MCM10: variants seen among roughly 807,000 people sequenced by gnomAD.
MCM10 encodes minichromosome maintenance 10 replication initiation factor, also known as protein MCM10 homolog.
Under a neutral mutation model 109.9 loss-of-function variants are expected in MCM10, and 91 were observed. The ratio of observed to expected loss-of-function variants is 0.83; its 90% CI spans 0.70 to 0.99. The LOEUF is 0.99. Ranked by LOEUF, MCM10 falls within the 50% of genes least tolerant of loss-of-function variation. The pLI, the probability that MCM10 is intolerant of heterozygous loss-of-function variation, is 0.00. For synonymous variants in MCM10, 380 were observed against 387.2 expected (o/e 0.98, Z 0.22); for missense variants, 1,077 against 1,061.2 (o/e 1.01, Z -0.21).
intron 15 of MCM10, among the ~76,000 whole-genome samples, chr10:13,198,252 G>A (rs1201123611): frequency 2.0e-5 from 3 of 152,066 alleles, no homozygotes; most frequent in African/African-American, 7.2e-5. Flanking sequence ...GGCACAATTT[G>A]AATACTTGGG....
At chr10:13,195,605 T>C (rs533220048) in intron 14 of MCM10, 1 of 152,804 alleles carries the variant, frequency 6.5e-6, no homozygotes, top group East Asian at 1.9e-4. Context: ...TTTATTTATT[T>C]ATTTATTTAT....
chr10:13,164,860 A>G (rs1833973666), intron 2 of MCM10, among the ~76,000 whole-genome samples: 1 of 152,056 alleles, frequency 6.6e-6, no homozygotes, highest in Non-Finnish European at 1.5e-5. Flanking sequence ...AGAGTTCAAG[A>G]CCAGCCTGGG....
Position 13,204,235 on chromosome 10 carries a change from T to G in MCM10, c.2369T>G (p.Phe790Cys). The change falls in exon 18 of 20, where the codon TTC becomes TGC. Residue 790 changes from phenylalanine (F) to cysteine (C), a missense_variant. Phe to Cys is a radical substitution (Grantham distance 205). Coordinates refer to ENST00000378714, the MANE Select transcript of MCM10 (RefSeq NM_018518.5). ...TCTGTGCAGTGCGCCTATACCCACTTCAAGCTGCTGGAGACCTGCGTCAGT... is the reference window on the plus strand; with the variant it reads ...TCTGTGCAGTGCGCCTATACCCACTGCAAGCTGCTGGAGACCTGCGTCAGT... Reference protein sequence around the residue: ...VTCKTCAYTHFKLLETCVSEQ... With the variant: ...VTCKTCAYTHCKLLETCVSEQ... The G allele has an allele frequency of 6.2e-7, 1 of 1,614,146 alleles. No homozygotes were observed.
chr10:13,205,925 G>A (rs889675878), intron 18 of MCM10, among the ~76,000 whole-genome samples: 8 of 152,154 alleles, frequency 5.3e-5, no homozygotes, highest in Admixed American at 1.3e-4. Context: ...CATAGAATAC[G>A]ACGATGGCAC....
In MCM10 at chr10:13,181,708, C is replaced by T. The variant is rs113042135; in HGVS notation, c.930+1101C>T. ...AAATTTTAAAAAATTAAAGATTACCCGGTCTTACACTAGCCCTGTCACTGT... is the reference window on the plus strand; with the variant it reads ...AAATTTTAAAAAATTAAAGATTACCTGGTCTTACACTAGCCCTGTCACTGT... On this transcript the variant is annotated intron_variant, in intron 7 of 19. Coordinates refer to ENST00000378714, the MANE Select transcript of MCM10 (RefSeq NM_018518.5). Among the ~76,000 whole-genome samples, 14 of 152,266 alleles carry T rather than the reference C, an allele frequency of 9.2e-5. 1 individual carries two copies. The highest frequency in any genetic ancestry group is 2.9e-4 in the African/African-American group (12 of 41,536).
intron 2 of MCM10, among the ~76,000 whole-genome samples, chr10:13,170,472 A>C (rs1224144223): frequency 6.6e-6 from 1 of 152,062 alleles, no homozygotes; most frequent in Non-Finnish European, 1.5e-5. Context: ...GTTGAATTTC[A>C]TGGAAGTCGG....
intron 1 of MCM10, among the ~76,000 whole-genome samples, chr10:13,162,208 A>G (rs753938613): frequency 6.6e-6 from 1 of 152,112 alleles, no homozygotes; most frequent in African/African-American, 2.4e-5. Context: ...CGGCTGGAGC[A>G]TCGTTATGGG....
chr10:13,174,541 G>C (rs183636831), intron 5 of MCM10, among the ~76,000 whole-genome samples: 9 of 152,148 alleles, frequency 5.9e-5, no homozygotes, highest in African/African-American at 2.2e-4. Context: ...TCATTGCATA[G>C]AGAATCAGTA....
chr10:13,179,451 A>C (rs1834181791), intron 6 of MCM10, among the ~76,000 whole-genome samples: 1 of 152,204 alleles, frequency 6.6e-6, no homozygotes, highest in Non-Finnish European at 1.5e-5. Flanking sequence ...AATCAGCCAA[A>C]GGAAAGAATT....
chr10:13,174,156 T>G (rs1419117139), intron 5 of MCM10, among the ~76,000 whole-genome samples: 1 of 145,036 alleles, frequency 6.9e-6, no homozygotes, highest in African/African-American at 2.6e-5. Context: ...TTTTTTTTTT[T>G]TTTTGAGACA....
Position 13,195,112 on chromosome 10 carries a change from C to T in MCM10, c.1817C>T (p.Pro606Leu). The T allele has an allele frequency of 6.2e-7, 1 of 1,614,212 alleles. No individual in the cohort carries two copies. Among genetic ancestry groups the T allele is most frequent in the Non-Finnish European group, 8.5e-7 (1 of 1,180,042 alleles). Residue 606 changes from proline to leucine, a missense_variant, in exon 14 of 20, where the codon CCT becomes CTT. By Grantham distance (98) the Pro-to-Leu change is moderately conservative. Transcript: ENST00000378714. ...PSSSRQPPAQ[P>L]PRTGSEFPRL... is the part of the protein sequence containing the mutation. The stretch of plus-strand genomic sequence containing the variant: ...TCATCAAGACAGCCCCCTGCTCAGC[C>T]TCCACGGACAGGATCCGAGTTCCCC...
At chr10:13,197,933 T>TC (rs1834444381) in intron 15 of MCM10, among the ~76,000 whole-genome samples, 166 bp downstream of exon 15, 2 of 136,056 alleles carry the variant, frequency 1.5e-5, no homozygotes, top group African/African-American at 5.5e-5. Flanking sequence ...TTTTTTTTTT[T>TC]CATGGAGTCT....
chr10:13,197,713 G>A lies in MCM10; in HGVS notation c.2065G>A (p.Asp689Asn), dbSNP rs779582176. The change falls in exon 15 of 20, where the codon GAC becomes AAC. Residue 689 changes from aspartate to asparagine, a missense_variant. Asp to Asn is a conservative substitution (Grantham distance 23). Transcript: ENST00000378714. ...TAAGAAGAAACAAAAGGACCCTCAG[G>A]ACATCCTGGAGGTGAAGGAACGTGT... ...SIKKKQKDPQ[D>N]ILEVKERVEK... The A allele has an allele frequency of 6.8e-6, 11 of 1,613,806 alleles. No homozygotes were observed. The South Asian group carries it at 1.1e-4, about 16-fold the overall frequency.
At position 13,191,372 on chromosome 10, in the gene MCM10, A is replaced by G. The variant is rs1234762803; in HGVS notation, c.1489A>G (p.Ile497Val). The change falls in exon 11 of 20, where the codon ATC becomes GTC. Residue 497 changes from isoleucine to valine, a missense_variant. Transcript: ENST00000378714. ...TCTGGTTGTTAAGGGCACAAACTTG[A>G]TCATCCAGGAAACACGGCAAAAACT... Reference protein sequence around the residue: ...SNLVVKGTNLIIQETRQKLGI... With the variant: ...SNLVVKGTNLVIQETRQKLGI... 6.2e-7 allele frequency: 1 copy of G among 1,614,088 alleles called. No homozygotes were observed. The highest frequency in any genetic ancestry group is 8.5e-7 in the Non-Finnish European group (1 of 1,179,986).
chr10:13,185,999 C>T (rs999260693), intron 8 of MCM10, among the ~76,000 whole-genome samples, 165 bp from the exon 9 acceptor site: 6 of 152,286 alleles, frequency 3.9e-5, no homozygotes, highest in South Asian at 2.1e-4. Context: ...TGGCCTCAAG[C>T]GATCCACCTG....
chr10:13,167,217 T>C (rs1834013136), intron 2 of MCM10, among the ~76,000 whole-genome samples: 1 of 152,104 alleles, frequency 6.6e-6, no homozygotes, highest in Non-Finnish European at 1.5e-5. Flanking sequence ...GCCAGGGAGC[T>C]GAGTCTTTAG....
intron 18 of MCM10, among the ~76,000 whole-genome samples, chr10:13,207,576 G>A (rs1471905900): frequency 2.0e-5 from 3 of 152,170 alleles, no homozygotes; most frequent in Non-Finnish European, 4.4e-5. Context: ...AGTTGAGAGA[G>A]GGACTCAGTG....
At chr10:13,169,045 G>T (rs1834036821) in intron 2 of MCM10, among the ~76,000 whole-genome samples, 1 of 152,218 alleles carries the variant, frequency 6.6e-6, no homozygotes, top group African/African-American at 2.4e-5. Flanking sequence ...GTTCAACATG[G>T]CGGCCCTTTT....
chr10:13,201,725 T>G (rs1026446839), intron 17 of MCM10, 191 bp downstream of exon 17: 39 of 574,134 alleles, frequency 6.8e-5, no homozygotes, highest in Non-Finnish European at 1.0e-4. Flanking sequence ...GCTCTGCTGA[T>G]GGAGTGTTTG....
Sources: gnomAD v4.1 joint callset for allele counts (sites outside exome capture counted in the v4.1 genomes callset) on GRCh38, gnomAD v4.1.1 for gene constraint, MANE v1.5 for transcripts, NCBI Gene and HGNC (gene_info 2026-07-23, HGNC 2026-07-21) for gene names.